The following PKN2 variants were observed in gnomAD, a reference collection of about 807,000 sequenced individuals.
The protein encoded by PKN2 is protein kinase N2.
PKN2 carries 38 observed loss-of-function variants against 119.1 expected under a neutral mutation model. The observed-to-expected ratio is 0.32, with a 90% confidence interval of 0.25 to 0.42. The LOEUF is 0.42. PKN2 is among the 10% of genes least tolerant of loss of function. The probability of loss-of-function intolerance (pLI) is 1.00; values close to 1 mark genes in which losing one functional copy is unlikely to be tolerated. For missense variants in PKN2, 850 were observed against 1,165.1 expected, an observed-to-expected ratio of 0.73 and a Z score of 3.94; for synonymous variants, 390 against 384.9, an observed-to-expected ratio of 1.01 and a Z score of -0.15.
At chr1:88,769,605 AT>A (rs890390845) in intron 3 of PKN2, among the ~76,000 whole-genome samples, 2 of 152,226 alleles carry the variant, frequency 1.3e-5, no homozygotes, top group African/African-American at 4.8e-5. Context: ...ATATATATGT[AT>A]ATACACAATG....
rs149829333 is a variant in PKN2 at position 88,758,677 on chromosome 1, C to G, written c.350-1545C>G. Among the ~76,000 whole-genome samples, 373 of 152,182 alleles carry G rather than the reference C, an allele frequency of 2.5e-3. 1 individual carries two copies. The highest frequency in any genetic ancestry group is 8.7e-3 in the African/African-American group (361 of 41,520). On this transcript the variant is annotated intron_variant, in intron 2 of 21. Coordinates refer to ENST00000370521, the MANE Select transcript of PKN2 (RefSeq NM_006256.4). ...TTAGTTTGCTAAGGATAATAGCCTC[C>G]AGCTCCATCCATGTTCCTGCAGAGG... is the stretch of plus-strand genomic sequence containing the variant.
intron 19 of PKN2, among the ~76,000 whole-genome samples, chr1:88,830,951 T>A (rs992943123): frequency 6.6e-6 from 1 of 152,076 alleles, no homozygotes; most frequent in African/African-American, 2.4e-5. Context: ...ATGTCAGATT[T>A]CTCTATTATT....
chr1:88,798,960 G>A (rs1004423834), intron 8 of PKN2, among the ~76,000 whole-genome samples: 6 of 151,326 alleles, frequency 4.0e-5, no homozygotes, highest in African/African-American at 1.5e-4. Context: ...GACTGGTATG[G>A]GGGAAAGAAT....
chr1:88,734,159 T>TA (rs79679723), intron 1 of PKN2, among the ~76,000 whole-genome samples: 6,691 of 140,552 alleles, frequency 0.048, 380 homozygotes, highest in African/African-American at 0.14. Context: ...ACCCTATCTT[T>TA]AAAAAAAAAA....
At chr1:88,711,031 T>A (rs1331919620) in intron 1 of PKN2, among the ~76,000 whole-genome samples, 1 of 151,992 alleles carries the variant, frequency 6.6e-6, no homozygotes, top group Non-Finnish European at 1.5e-5. Context: ...CTTAGCAAAC[T>A]AACACAGGAA....
chr1:88,697,902 TTCTA>T (rs1357938959), intron 1 of PKN2, among the ~76,000 whole-genome samples: 2 of 152,248 alleles, frequency 1.3e-5, no homozygotes, highest in African/African-American at 2.4e-5. Context: ...TAAGAATATT[TTCTA>T]TCTCATGACA....
At chr1:88,832,445 A>T (rs1026962983) in intron 19 of PKN2, among the ~76,000 whole-genome samples, 8 of 152,036 alleles carry the variant, frequency 5.3e-5, no homozygotes, top group African/African-American at 1.9e-4. Flanking sequence ...AATGAAATTA[A>T]ATGAAAAGTC....
intron 1 of PKN2, among the ~76,000 whole-genome samples, chr1:88,724,283 G>A (rs1382295151): frequency 1.3e-5 from 2 of 152,114 alleles, no homozygotes; most frequent in Non-Finnish European, 2.9e-5. Flanking sequence ...TTTCTTGATA[G>A]TTTATATTCA....
At chr1:88,739,388 T>C (rs1005059878) in intron 1 of PKN2, among the ~76,000 whole-genome samples, 9 of 152,308 alleles carry the variant, frequency 5.9e-5, no homozygotes, top group Admixed American at 5.9e-4. Flanking sequence ...TAAATTGATA[T>C]GAAAACCAAG....
intron 1 of PKN2, among the ~76,000 whole-genome samples, chr1:88,708,926 T>G (rs1667111105): frequency 6.6e-6 from 1 of 152,050 alleles, no homozygotes; most frequent in East Asian, 1.9e-4. Context: ...TTAGTATGAT[T>G]CTTTTTTTTT....
chr1:88,695,400 C>G (rs1666502632), intron 1 of PKN2, among the ~76,000 whole-genome samples: 1 of 152,014 alleles, frequency 6.6e-6, no homozygotes, highest in Non-Finnish European at 1.5e-5. Flanking sequence ...TCAGTAATAC[C>G]TCACTTTTTC....
rs533670428 is a variant in PKN2, at chr1:88,775,189, C to T, written c.985+3310C>T. ...GTGTTGCCCAGGCTGGTCTTCAACT[C>T]CTGGGCTCGAGCAATCTGTCCACCT... On this transcript the variant is annotated intron_variant, in intron 6 of 21. Transcript: ENST00000370521. Among the ~76,000 whole-genome samples the T allele has an allele frequency of 5.9e-5, 9 of 152,194 alleles. No individual in the cohort carries two copies. The East Asian group carries it at 1.7e-3, about 29-fold the overall frequency.
intron 16 of PKN2, among the ~76,000 whole-genome samples, chr1:88,820,117 T>A (rs1477583553): frequency 6.9e-6 from 1 of 145,764 alleles, no homozygotes; most frequent in Non-Finnish European, 1.5e-5. Context: ...ATTCTGCACA[T>A]GTATCCCAGA....
Position 88,684,416 on chromosome 1 carries a change from C to T in PKN2, c.-165C>T, listed in dbSNP as rs973964641. The T allele has an allele frequency of 5.2e-6, 3 of 579,408 alleles. No homozygotes were observed. Among genetic ancestry groups the T allele is most frequent in the African/African-American group, 2.0e-5 (1 of 50,564 alleles). The allele number at this position is 579,408 out of a possible 1,614,324, so 35.9% of individuals were successfully genotyped here. On this transcript the variant is annotated 5_prime_UTR_variant, in exon 1 of 22. It adds an upstream start codon to the 5' untranslated region. Coordinates refer to ENST00000370521, the MANE Select transcript of PKN2 (RefSeq NM_006256.4). The stretch of plus-strand genomic sequence containing the variant: ...TCCCCGCCGCTCTCGATGAACCGGA[C>T]GGAATAAGCCGCGCCTCCAGCAGGG...
chr1:88,829,466 T>C (rs970308334), intron 19 of PKN2: 4 of 196,182 alleles, frequency 2.0e-5, no homozygotes, highest in African/African-American at 9.3e-5. Flanking sequence ...CCTTAAAAAA[T>C]GGTAGAGTTG....
chr1:88,794,479 C>G (rs1670979640), intron 8 of PKN2, among the ~76,000 whole-genome samples: 1 of 152,140 alleles, frequency 6.6e-6, no homozygotes, highest in East Asian at 1.9e-4. Context: ...GGGCACAAGC[C>G]TGTAGTCCTA....
At chr1:88,699,094 CTCTT>C (rs751234769) in intron 1 of PKN2, among the ~76,000 whole-genome samples, 2 of 151,804 alleles carry the variant, frequency 1.3e-5, no homozygotes, top group Non-Finnish European at 2.9e-5. Context: ...TCCTGTTTCT[CTCTT>C]TCTTTTTCTC....
intron 2 of PKN2, among the ~76,000 whole-genome samples, chr1:88,743,628 T>C (rs186385179): frequency 1.3e-5 from 2 of 152,322 alleles, no homozygotes; most frequent in Non-Finnish European, 2.9e-5. Flanking sequence ...AACTGTCTCC[T>C]CCTTGAAGGG....
intron 6 of PKN2, among the ~76,000 whole-genome samples, chr1:88,773,999 C>G (rs907461852): frequency 6.6e-6 from 1 of 152,162 alleles, no homozygotes; most frequent in Non-Finnish European, 1.5e-5. Flanking sequence ...CTACTAGCAT[C>G]TCAGCTCAGT....
Sources: gnomAD v4.1 joint callset for allele counts (sites outside exome capture counted in the v4.1 genomes callset) on GRCh38, gnomAD v4.1.1 for gene constraint, MANE v1.5 for transcripts, NCBI Gene and HGNC (gene_info 2026-07-23, HGNC 2026-07-21) for gene names.